COA7: variants seen among roughly 807,000 people sequenced by gnomAD.
COA7 encodes the protein Sel1 repeat containing 1.
Under a neutral mutation model 21.0 loss-of-function variants are expected in COA7, and 12 were observed. The ratio of observed to expected loss-of-function variants is 0.57; its 90% CI spans 0.37 to 0.92. The LOEUF (loss-of-function observed/expected upper bound fraction) is 0.92, where lower values mean the gene tolerates loss of function less well. COA7 is among the 40% of genes least tolerant of loss of function. The pLI is 0.01. For synonymous variants in COA7, 95 were observed against 107.4 expected (o/e 0.88, Z 0.72); for missense variants, 240 against 286.1 (o/e 0.84, Z 1.16).
rs1643995351 is a variant in COA7, at chr1:52,685,554, G to T, written c.*2166C>A. On this transcript the variant is annotated 3_prime_UTR_variant, in exon 3 of 3. Transcript: ENST00000371538. ...ATATTTTCATGTTTTTTGACCTACA[G>T]TTTTGTGTGTGTGTGTGTGTGTGTT... 6.6e-6 allele frequency: 1 copy of T among 151,528 alleles called. No homozygotes were observed. Among genetic ancestry groups the T allele is most frequent in the Admixed American group, 6.6e-5 (1 of 15,146 alleles). The allele number at this position is 151,528 out of a possible 1,614,324, so 9.4% of individuals were successfully genotyped here.
In COA7 at chr1:52,698,314, C is replaced by CCATGCCGGCCATGGTT. The variant is rs1253635859; in HGVS notation, c.-4_12dup (p.Val5AsnfsTer11). On this transcript the variant is annotated frameshift_variant, in exon 1 of 3. Transcript: ENST00000371538. LOFTEE classifies it high-confidence loss of function. ...ACCTGCTCCTCATCCTGGAAGTCCA[C>CCATGCCGGCCATGGTT]CATGCCGGCCATGGTTCGCGCCGGC... 6.2e-7 allele frequency: 1 copy of CCATGCCGGCCATGGTT among 1,610,834 alleles called. No homozygotes were observed. The highest frequency in any genetic ancestry group is 8.5e-7 in the Non-Finnish European group (1 of 1,179,486).
Position 52,692,821 on chromosome 1 carries a change from A to G in COA7, c.153T>C (p.Phe51=), listed in dbSNP as rs1571718712. The change falls in exon 2 of 3, where the codon TTT becomes TTC. Residue 51 remains phenylalanine (F), a synonymous_variant. Transcript: ENST00000371538. ...ACTTCAACACCTTGGCAGCCTCATCAAAATTCTTCCGGATCCCTTCCAAAT... is the reference window on the plus strand; with the variant it reads ...ACTTCAACACCTTGGCAGCCTCATCGAAATTCTTCCGGATCCCTTCCAAAT... ...VDYLEGIRKN[F]DEAAKVLKFN... 1.2e-6 allele frequency: 2 copies of G among 1,613,986 alleles called. No individual in the cohort carries two copies. Among genetic ancestry groups the G allele is most frequent in the African/African-American group, 2.7e-5 (2 of 74,908 alleles).
chr1:52,688,120 G>A lies in COA7; in HGVS notation c.296C>T (p.Ala99Val), dbSNP rs768757974. The A allele has an allele frequency of 4.3e-6, 7 of 1,613,440 alleles. No individual in the cohort carries two copies. Among genetic ancestry groups the A allele is most frequent in the African/African-American group, 1.3e-5 (1 of 74,882 alleles). ...LKAAARCFLM[A>V]CEKPGKKSIA... ...TGACTTCTTTCCAGGCTTCTCACAC[G>A]CCATCAAAAAGCACCTGGCGGCAGC... is the stretch of plus-strand genomic sequence containing the variant. Residue 99 changes from alanine to valine, a missense_variant, in exon 3 of 3, where the codon GCG becomes GTG. Transcript: ENST00000371538.
intron 1 of COA7, among the ~76,000 whole-genome samples, chr1:52,694,173 G>C (rs1173560240): frequency 6.6e-6 from 1 of 152,140 alleles, no homozygotes; most frequent in Non-Finnish European, 1.5e-5. Context: ...CATTATTTGG[G>C]TGATGGTTGG....
rs975167655 is a variant in COA7 at position 52,685,461 on chromosome 1, C to G, written c.*2259G>C. 6.6e-6 allele frequency: 1 copy of G among 152,128 alleles called. No individual in the cohort carries two copies. Among genetic ancestry groups the G allele is most frequent in the Non-Finnish European group, 1.5e-5 (1 of 68,022 alleles). The allele number at this position is 152,128 out of a possible 1,614,324, so 9.4% of individuals were successfully genotyped here. A position where few individuals can be genotyped will look rare whatever the true frequency, so the allele number is the denominator to read the frequency against. Reference sequence around the variant, plus strand: ...GGCCTGTTTTTAATCAGGTTGTTTTCTTACTGTTGAATTTTAAGAGTTCAT... The same window carrying G: ...GGCCTGTTTTTAATCAGGTTGTTTTGTTACTGTTGAATTTTAAGAGTTCAT... On this transcript the variant is annotated 3_prime_UTR_variant, in exon 3 of 3. Transcript: ENST00000371538.
rs1439928909 is a variant in COA7 at position 52,686,549 on chromosome 1, G to T, written c.*1171C>A. On this transcript the variant is annotated 3_prime_UTR_variant, in exon 3 of 3. Coordinates refer to ENST00000371538, the MANE Select transcript of COA7 (RefSeq NM_023077.3). The stretch of plus-strand genomic sequence containing the variant: ...TGCAAGCTCCGCCTCCCGGGTTCAA[G>T]CAATTCTCCTGCCTCAGCCTCCCCA... The T allele has an allele frequency of 6.6e-6, 1 of 152,040 alleles. No individual in the cohort carries two copies. The highest frequency in any genetic ancestry group is 1.5e-5 in the Non-Finnish European group (1 of 68,112). 9.4% of individuals were successfully genotyped at this position (152,040 alleles called of 1,614,324 possible).
chr1:52,693,998 A>G (rs552937456), intron 1 of COA7, among the ~76,000 whole-genome samples: 21 of 152,376 alleles, frequency 1.4e-4, no homozygotes, highest in African/African-American at 4.3e-4. Context: ...AATAAATGTT[A>G]TAACAACTCA....
At chr1:52,691,462 G>T in intron 2 of COA7, among the ~76,000 whole-genome samples, 1 of 135,726 alleles carries the variant, frequency 7.4e-6, no homozygotes. Flanking sequence ...TTATTTATGT[G>T]TGTGTGTGTT....
At chr1:52,688,237 T>A in intron 2 of COA7, 69 bp from the exon 3 acceptor site, 1 of 1,294,910 alleles carries the variant, frequency 7.7e-7, no homozygotes. Context: ...CAGGCCAAAG[T>A]CAGTGAATTT....
intron 1 of COA7, among the ~76,000 whole-genome samples, chr1:52,695,338 G>A (rs1029947966): frequency 3.4e-5 from 5 of 145,104 alleles, no homozygotes; most frequent in African/African-American, 7.6e-5. Context: ...GGTGGAACAC[G>A]CCTGTAATCC....
intron 2 of COA7, among the ~76,000 whole-genome samples, chr1:52,690,040 G>GA (rs756064845): frequency 0.18 from 12,237 of 67,122 alleles, 1,155 homozygotes; most frequent in African/African-American, 0.38. Flanking sequence ...AAAAAAAAAA[G>GA]AAAAAAAAAA....
intron 2 of COA7, among the ~76,000 whole-genome samples, chr1:52,691,056 T>G (rs1391269291): frequency 6.6e-6 from 1 of 150,984 alleles, no homozygotes; most frequent in Admixed American, 6.6e-5. Flanking sequence ...TGAGCCGAGA[T>G]CATGCCACTG....
intron 2 of COA7, 25 bp downstream of exon 2, chr1:52,692,702 G>T: frequency 1.2e-6 from 2 of 1,613,686 alleles, no homozygotes; most frequent in Non-Finnish European, 1.7e-6. Flanking sequence ...CAATGACAAG[G>T]ACCCAAAAGG....
At chr1:52,696,817 A>AG (rs1644086878) in intron 1 of COA7, among the ~76,000 whole-genome samples, 1 of 151,684 alleles carries the variant, frequency 6.6e-6, no homozygotes, top group South Asian at 2.1e-4. Flanking sequence ...TTGAAAGAAA[A>AG]AAAAAAAAAA....
chr1:52,697,958 G>A (rs1644096506), intron 1 of COA7: 2 of 455,044 alleles, frequency 4.4e-6, no homozygotes, highest in African/African-American at 2.0e-5. Flanking sequence ...CTCCACGAGG[G>A]CAGGGAGTTT....
intron 1 of COA7, among the ~76,000 whole-genome samples, chr1:52,693,376 G>A (rs779786663): frequency 2.0e-5 from 3 of 151,950 alleles, no homozygotes; most frequent in Non-Finnish European, 2.9e-5. Context: ...TCTGGAGTTC[G>A]AGACCAGCCT....
intron 2 of COA7, 72 bp from the exon 3 acceptor site, chr1:52,688,240 G>T: frequency 8.8e-6 from 11 of 1,243,208 alleles, no homozygotes; most frequent in Non-Finnish European, 1.2e-5. Flanking sequence ...GCCAAAGTCA[G>T]TGAATTTTTT....
At chr1:52,694,442 A>G (rs1644069741) in intron 1 of COA7, among the ~76,000 whole-genome samples, 1 of 150,648 alleles carries the variant, frequency 6.6e-6, no homozygotes, top group South Asian at 2.1e-4. Flanking sequence ...CCTGGGCAAC[A>G]AGAGCAAAAC....
intron 2 of COA7, among the ~76,000 whole-genome samples, chr1:52,690,026 CAAAAAAAAAAAAAGA>C (rs67028151): frequency 0.44 from 44,157 of 101,450 alleles, 6,973 homozygotes; most frequent in Non-Finnish European, 0.49. Context: ...AACTCTGTCT[CAAAAAAAAAAAAAGA>C]AAAAAAAAAA....
Sources: allele counts gnomAD v4.1 joint callset (sites outside exome capture counted in the v4.1 genomes callset), GRCh38; gene constraint gnomAD v4.1.1; transcripts MANE v1.5; gene names NCBI Gene and HGNC (gene_info 2026-07-23, HGNC 2026-07-21).